ZNF704: variants seen among roughly 807,000 people sequenced by gnomAD.
ZNF704 encodes zinc finger protein 704.
In ZNF704, 10 loss-of-function variants were observed where a neutral mutation model predicts 44.7. That is an observed-to-expected ratio of 0.22 (90% CI 0.14 to 0.38). The LOEUF (loss-of-function observed/expected upper bound fraction) is 0.38, where lower values mean the gene tolerates loss of function less well. Among genes scored for constraint, ZNF704 ranks in the 10% least tolerant of loss-of-function variants. The pLI is 1.00. For synonymous variants in ZNF704, 211 were observed against 207.6 expected (o/e 1.02, Z -0.14); for missense variants, 390 against 545.5 (o/e 0.71, Z 2.84).
Position 80,641,332 on chromosome 8 carries a change from CTCA to C in ZNF704, c.*31_*33del. The C allele has an allele frequency of 7.1e-7, 1 of 1,412,326 alleles. No individual in the cohort carries two copies. The allele number at this position is 1,412,326 out of a possible 1,614,324, so 87.5% of individuals were successfully genotyped here. ...CAGTGGCAGGCCAGGGCAGGAGCGG[CTCA>C]GGGCCCTGAGCCCCTCTGCCTGGGG... is the stretch of plus-strand genomic sequence containing the variant. On this transcript the variant is annotated 3_prime_UTR_variant, in exon 9 of 9. Coordinates refer to ENST00000327835, the MANE Select transcript of ZNF704 (RefSeq NM_001033723.3).
chr8:80,880,892 A>G, the ZNF704 span, among the ~76,000 whole-genome samples: 1 of 152,256 alleles, frequency 6.6e-6, no homozygotes, highest in Non-Finnish European at 1.5e-5. Context: ...AGTGTTACTA[A>G]AACACTTAGA....
upstream of ZNF704, among the ~76,000 whole-genome samples, chr8:80,877,747 G>A (rs1016579191): frequency 3.3e-5 from 5 of 152,158 alleles, no homozygotes; most frequent in South Asian, 4.1e-4. Flanking sequence ...TGGTGCTGGC[G>A]TGCAGCAGCG....
chr8:80,785,718 C>T (rs1164460089), intron 2 of ZNF704, among the ~76,000 whole-genome samples: 1 of 152,142 alleles, frequency 6.6e-6, no homozygotes, highest in African/African-American at 2.4e-5. Context: ...TACTTCCTCA[C>T]TTTCTGCTTT....
At chr8:80,653,763 G>GC (rs1254512282) in intron 7 of ZNF704, among the ~76,000 whole-genome samples, 2 of 152,160 alleles carry the variant, frequency 1.3e-5, no homozygotes, top group Admixed American at 1.3e-4. Flanking sequence ...TGGCCATACT[G>GC]CCCAAGGTAA....
At chr8:80,660,526 G>A (rs1480621559) in intron 6 of ZNF704, among the ~76,000 whole-genome samples, 8 of 150,330 alleles carry the variant, frequency 5.3e-5, no homozygotes, top group African/African-American at 2.0e-4. Context: ...AGGGAAAAAG[G>A]TAAATAAATC....
chr8:80,653,792 T>C (rs1817962872), intron 7 of ZNF704, among the ~76,000 whole-genome samples: 2 of 152,114 alleles, frequency 1.3e-5, no homozygotes, highest in African/African-American at 2.4e-5. Flanking sequence ...TTCAATGTCA[T>C]CCCCATCAAG....
intron 1 of ZNF704, among the ~76,000 whole-genome samples, chr8:80,836,029 G>A (rs550475800): frequency 1.3e-5 from 2 of 152,048 alleles, no homozygotes; most frequent in East Asian, 1.9e-4. Flanking sequence ...CTCCTGCACC[G>A]CCTCCCATGA....
Position 80,632,014 on chromosome 8 carries a change from A to G in ZNF704, c.*9352T>C, listed in dbSNP as rs1817595150. On this transcript the variant is annotated 3_prime_UTR_variant, in exon 9 of 9. Coordinates refer to ENST00000327835, the MANE Select transcript of ZNF704 (RefSeq NM_001033723.3). ...GGGGAGGGTAATCTTTCAATGGCAA[A>G]TTCACTGGGGCTTGCCAAGATGGGG... 6.6e-6 allele frequency: 1 copy of G among 152,212 alleles called. No homozygotes were observed. Among genetic ancestry groups the G allele is most frequent in the Non-Finnish European group, 1.5e-5 (1 of 68,042 alleles). The allele number at this position is 152,212 out of a possible 1,614,324, so 9.4% of individuals were successfully genotyped here.
At chr8:80,695,008 C>T (rs1818703554) in intron 2 of ZNF704, among the ~76,000 whole-genome samples, 1 of 151,898 alleles carries the variant, frequency 6.6e-6, no homozygotes, top group African/African-American at 2.4e-5. Flanking sequence ...GCAAAAAAAA[C>T]TGTTCATTCA....
chr8:80,720,223 G>A (rs117876800), intron 2 of ZNF704, among the ~76,000 whole-genome samples: 2,556 of 152,242 alleles, frequency 0.017, 43 homozygotes, highest in Non-Finnish European at 0.026. Flanking sequence ...TCCCTTGTAC[G>A]GAGATTTATA....
intron 2 of ZNF704, among the ~76,000 whole-genome samples, chr8:80,713,176 TAAAAAGACAATTCTTG>T (rs1353621952): frequency 1.3e-5 from 2 of 152,174 alleles, no homozygotes; most frequent in African/African-American, 2.4e-5. Flanking sequence ...TAAATGACGT[TAAAAAGACAATTCTTG>T]AATTGTTTTG....
chr8:80,687,493 C>T (rs1473830726), intron 3 of ZNF704, 35 bp from the exon 4 acceptor site: 2 of 1,446,966 alleles, frequency 1.4e-6, no homozygotes, highest in African/African-American at 1.4e-5. Flanking sequence ...TGCCAGGACC[C>T]CTGCGTGCCC....
At chr8:80,654,388 T>A (rs1295097848) in intron 7 of ZNF704, among the ~76,000 whole-genome samples, 1 of 152,012 alleles carries the variant, frequency 6.6e-6, no homozygotes, top group Non-Finnish European at 1.5e-5. Flanking sequence ...GAAACTACCA[T>A]CAGAGTGAAC....
At chr8:80,718,442 C>T (rs1819109004) in intron 2 of ZNF704, among the ~76,000 whole-genome samples, 1 of 152,166 alleles carries the variant, frequency 6.6e-6, no homozygotes, top group Non-Finnish European at 1.5e-5. Flanking sequence ...TATTCTTCCT[C>T]ACCAGTTGTT....
At chr8:80,878,711 C>A (rs1284253001), upstream of ZNF704, among the ~76,000 whole-genome samples, 1 of 152,194 alleles carries the variant, frequency 6.6e-6, no homozygotes, top group Non-Finnish European at 1.5e-5. Context: ...CTGTCTAAGT[C>A]AAGCATAATC....
chr8:80,789,394 A>G (rs540250284), intron 2 of ZNF704, among the ~76,000 whole-genome samples: 49 of 152,268 alleles, frequency 3.2e-4, no homozygotes, highest in African/African-American at 9.9e-4. Flanking sequence ...GAGGTATTGT[A>G]ATGTGCTAAG....
intron 2 of ZNF704, among the ~76,000 whole-genome samples, chr8:80,746,041 A>G (rs1051405359): frequency 1.3e-5 from 2 of 152,226 alleles, no homozygotes; most frequent in African/African-American, 2.4e-5. Context: ...AAAATGGAAC[A>G]ATCACTTTAA....
chr8:80,738,134 A>C (rs1806695358), intron 2 of ZNF704, among the ~76,000 whole-genome samples: 1 of 152,194 alleles, frequency 6.6e-6, no homozygotes, highest in African/African-American at 2.4e-5. Flanking sequence ...ACAAAGATGA[A>C]GTGCCCTTTT....
rs192194315 is a variant in ZNF704 at position 80,874,112 on chromosome 8, C to A, written c.-22+459G>T. ...TTTGTCACCTCCTCTTCCTCCTCTGCCTCCGCCGGTGGCCGCAGGGCCGGG... is the reference window on the plus strand; with the variant it reads ...TTTGTCACCTCCTCTTCCTCCTCTGACTCCGCCGGTGGCCGCAGGGCCGGG... On this transcript the variant is annotated intron_variant, in intron 1 of 8. Coordinates refer to ENST00000327835, the MANE Select transcript of ZNF704 (RefSeq NM_001033723.3). The surrounding 1 kb of genome is among the most constrained non-coding windows in gnomAD (Gnocchi z 4.4). Among the ~76,000 whole-genome samples the A allele has an allele frequency of 0.025, 3,601 of 146,964 alleles. 132 individuals carry two copies. The highest frequency in any genetic ancestry group is 0.08 in the African/African-American group (3,265 of 41,006).
Sources: gnomAD v4.1 joint callset for allele counts (sites outside exome capture counted in the v4.1 genomes callset) on GRCh38, gnomAD v4.1.1 for gene constraint, Gnocchi (gnomAD v3.1) non-coding constraint, MANE v1.5 for transcripts, NCBI Gene and HGNC (gene_info 2026-07-23, HGNC 2026-07-21) for gene names.